The following COL27A1 variants were observed in gnomAD, a reference collection of about 807,000 sequenced individuals.
The protein encoded by COL27A1 is collagen alpha-1(XXVII) chain.
A neutral mutation model predicts 251.3 loss-of-function variants in COL27A1; 106 were observed. The observed-to-expected ratio is 0.42, with a 90% confidence interval of 0.36 to 0.50. The LOEUF is 0.50. Ranked by LOEUF, COL27A1 falls within the 20% of genes least tolerant of loss-of-function variation. The pLI, the probability that COL27A1 is intolerant of heterozygous loss-of-function variation, is 0.00. For missense variants in COL27A1, 2,325 were observed against 2,522.8 expected (o/e 0.92, Z 1.68); for synonymous variants, 1,000 against 986.3 (o/e 1.01, Z -0.26).
chr9:114,205,143 A>G lies in COL27A1; in HGVS notation c.2166A>G (p.Glu722=). The G allele has an allele frequency of 6.2e-7, 1 of 1,613,268 alleles. No homozygotes were observed. Among genetic ancestry groups the G allele is most frequent in the South Asian group, 1.1e-5 (1 of 91,066 alleles). ...GYPGPAGHPG[E]QGQPGPEGSP... Reference sequence around the variant, plus strand: ...CTGGACCGGCAGGGCACCCCGGAGAACAGGTGAGGGCCTCAGCCTCAGCCC... The same window carrying G: ...CTGGACCGGCAGGGCACCCCGGAGAGCAGGTGAGGGCCTCAGCCTCAGCCC... The change falls in exon 8 of 61, where the codon GAA becomes GAG. Residue 722 remains glutamate, a synonymous_variant. Transcript: ENST00000356083.
intron 5 of COL27A1, among the ~76,000 whole-genome samples, chr9:114,183,820 G>T (rs1828130088): frequency 6.6e-6 from 1 of 152,136 alleles, no homozygotes; most frequent in South Asian, 2.1e-4. Flanking sequence ...CTCCCCCAGG[G>T]AGTCTTCTTG....
At chr9:114,302,726 CAAA>C (rs60188308) in intron 56 of COL27A1, among the ~76,000 whole-genome samples, 21,741 of 139,104 alleles carry the variant, frequency 0.16, 1,681 homozygotes, top group Non-Finnish European at 0.18. Flanking sequence ...ACAAAAAAAA[CAAA>C]AAAAAAAAAA....
chr9:114,306,710 G>A (rs760482201), intron 58 of COL27A1, 22 bp downstream of exon 58: 3 of 1,607,456 alleles, frequency 1.9e-6, no homozygotes, highest in African/African-American at 2.7e-5. Flanking sequence ...TCCTGCCGGG[G>A]GTGGGTGCGC....
In COL27A1 at chr9:114,198,730, C is replaced by T. The variant is rs569277538; in HGVS notation, c.2124+2718C>T. On this transcript the variant is annotated intron_variant, in intron 7 of 60. Coordinates refer to ENST00000356083, the MANE Select transcript of COL27A1 (RefSeq NM_032888.4). ...CCGAGAAGGTTTGTTTCTCTGCCAC[C>T]GCCTGAGATACTTGTGGAAGGAATT... 1.1e-4 allele frequency among the ~76,000 whole-genome samples: 16 copies of T among 152,258 alleles called. No homozygotes were observed. In the East Asian group the frequency reaches 2.7e-3, roughly 26 times the overall value.
Position 114,275,540 on chromosome 9 carries a change from A to G in COL27A1, c.3610-121A>G, listed in dbSNP as rs10513241. The stretch of plus-strand genomic sequence containing the variant: ...TTTTTGGCTGCAGAGGGAACTATCG[A>G]GAATCTAGGGACCAGTTGGCTGTGG... On this transcript the variant is annotated intron_variant, in intron 36 of 60. Transcript: ENST00000356083. 0.35 allele frequency: 221,261 copies of G among 634,434 alleles called. 39,766 individuals carry two copies. The highest frequency in any genetic ancestry group is 0.38 in the Non-Finnish European group (140,474 of 372,148). The allele number at this position is 634,434 out of a possible 1,614,324, so 39.3% of individuals were successfully genotyped here.
intron 27 of COL27A1, among the ~76,000 whole-genome samples, chr9:114,254,277 A>G (rs1414739921): frequency 1.4e-5 from 2 of 147,280 alleles, no homozygotes; most frequent in East Asian, 4.2e-4. Context: ...CTCTCAAGGC[A>G]GAGTGGTGGG....
chr9:114,242,039 C>T, intron 21 of COL27A1, 148 bp from the exon 22 acceptor site: 1 of 598,066 alleles, frequency 1.7e-6, no homozygotes, highest in South Asian at 2.8e-5. Context: ...CTGGGTGGGG[C>T]CAGGCAGGTG....
intron 49 of COL27A1, among the ~76,000 whole-genome samples, chr9:114,296,398 T>G (rs528417759): frequency 6.6e-6 from 1 of 152,260 alleles, no homozygotes; most frequent in Admixed American, 6.5e-5. Flanking sequence ...GGCAGAAGAT[T>G]TGAATAGACA....
rs764919165 is a variant in COL27A1 at position 114,282,438 on chromosome 9, G to T, written c.3772-19G>T. ...GTCCTGTTGGGCCTGGTGACAGCTT[G>T]TCTTTCCTCCTGTTGCAGGGTGCCA... On this transcript the variant is annotated intron_variant, in intron 38 of 60. Transcript: ENST00000356083. The T allele has an allele frequency of 6.2e-7, 1 of 1,608,760 alleles. No homozygotes were observed. The highest frequency in any genetic ancestry group is 1.7e-5 in the Admixed American group (1 of 59,216).
At chr9:114,245,554 C>T (rs1833074195) in intron 23 of COL27A1, among the ~76,000 whole-genome samples, 1 of 152,166 alleles carries the variant, frequency 6.6e-6, no homozygotes, top group Non-Finnish European at 1.5e-5. Flanking sequence ...CCTCTCTGGG[C>T]CTCATTTTCC....
intron 33 of COL27A1, 74 bp downstream of exon 33, chr9:114,266,692 A>G (rs1023668265): frequency 9.4e-6 from 13 of 1,379,192 alleles, no homozygotes; most frequent in Non-Finnish European, 1.3e-5. Context: ...CCTCCTCCCC[A>G]GGAGCCTCTT....
chr9:114,245,612 C>G lies in COL27A1; in HGVS notation c.2935-254C>G, dbSNP rs73564692. On this transcript the variant is annotated intron_variant, in intron 23 of 60. Coordinates refer to ENST00000356083, the MANE Select transcript of COL27A1 (RefSeq NM_032888.4). ...TTCTGAAGGACCTAGATGAGACATA[C>G]ACATCCAGGTGCTGAGTAAGCCAAG... is the stretch of plus-strand genomic sequence containing the variant. Among the ~76,000 whole-genome samples the G allele has an allele frequency of 7.2e-3, 1,093 of 152,316 alleles. 13 individuals carry two copies. Among genetic ancestry groups the G allele is most frequent in the African/African-American group, 0.025 (1,044 of 41,572 alleles).
Position 114,284,772 on chromosome 9 carries a change from G to T in COL27A1, c.3982G>T (p.Glu1328Ter), listed in dbSNP as rs769508193. The T allele has an allele frequency of 6.2e-7, 1 of 1,614,204 alleles. No homozygotes were observed. The highest frequency in any genetic ancestry group is 8.5e-7 in the Non-Finnish European group (1 of 1,180,022). ...CCTTGGACCTCCTGGACCAAAAGGC[G>T]AAAAGGTGGGTGTTTGCTCTGGGGA... is the stretch of plus-strand genomic sequence containing the variant. ...GPLGPPGPKG[E>*]KGEQGEDGKA... is the part of the protein sequence containing the mutation. Residue 1328 changes from glutamate (E) to a stop codon, truncating the protein, a stop_gained, in exon 41 of 61, where the codon GAA becomes TAA. Transcript: ENST00000356083. LOFTEE classifies it high-confidence loss of function.
rs556668489 is a variant in COL27A1 at position 114,169,052 on chromosome 9, G to A, written c.1497G>A (p.Arg499=). ...CTGCCCCTACTCCTGGTTCTACCAG[G>A]AGTACTCGGCCACCAGCCACGATGG... ...SSPAPTPGST[R]STRPPATMVP... Residue 499 remains arginine, a synonymous_variant, in exon 3 of 61, where the codon AGG becomes AGA. Transcript: ENST00000356083. The A allele has an allele frequency of 1.2e-6, 2 of 1,613,982 alleles. No individual in the cohort carries two copies. The highest frequency in any genetic ancestry group is 1.1e-5 in the South Asian group (1 of 91,080).
rs544568291 is a variant in COL27A1 at position 114,167,751 on chromosome 9, G to A, written c.196G>A (p.Gly66Arg). The A allele has an allele frequency of 6.2e-7, 1 of 1,613,842 alleles. No individual in the cohort carries two copies. Among genetic ancestry groups the A allele is most frequent in the South Asian group, 1.1e-5 (1 of 91,076 alleles). ...GAAGGCCGGGAGCCCTGCACCCCCG[G>A]GAGTCATTCCTTTCCAGTCGGGCTT... ...WTKAGSPAPP[G>R]VIPFQSGFIF... The change falls in exon 3 of 61, where the codon GGA becomes AGA. Residue 66 changes from glycine to arginine, a missense_variant. Physicochemically the swap from Gly to Arg is moderately radical, Grantham distance 125 (BLOSUM62 -2). Coordinates refer to ENST00000356083, the MANE Select transcript of COL27A1 (RefSeq NM_032888.4).
intron 15 of COL27A1, among the ~76,000 whole-genome samples, chr9:114,231,478 G>A (rs1016665767): frequency 6.6e-6 from 1 of 152,184 alleles, no homozygotes; most frequent in Non-Finnish European, 1.5e-5. Context: ...TGAGTGGGAA[G>A]GGCGTGCAGC....
chr9:114,301,154 C>G, intron 52 of COL27A1, 29 bp downstream of exon 52: 1 of 1,613,206 alleles, frequency 6.2e-7, no homozygotes, highest in Non-Finnish European at 8.5e-7. Context: ...CAGGAAGACT[C>G]CGGGGTCCCC....
intron 12 of COL27A1, chr9:114,217,945 C>A (rs998000505): frequency 5.0e-6 from 2 of 398,482 alleles, no homozygotes; most frequent in Non-Finnish European, 1.0e-5. Context: ...GAAACCCCAT[C>A]TTTACCAAAA....
chr9:114,156,554 T>TGA (rs1848134451), intron 1 of COL27A1, among the ~76,000 whole-genome samples: 1 of 152,070 alleles, frequency 6.6e-6, no homozygotes, highest in Non-Finnish European at 1.5e-5. Flanking sequence ...CGTGTTTGTG[T>TGA]TAGTCGGCCT....
Sources: allele counts gnomAD v4.1 joint callset (sites outside exome capture counted in the v4.1 genomes callset), GRCh38; gene constraint gnomAD v4.1.1; transcripts MANE v1.5; gene names NCBI Gene and HGNC (gene_info 2026-07-23, HGNC 2026-07-21).